The following PARD3B variants were observed in gnomAD, a reference collection of about 807,000 sequenced individuals.
PARD3B encodes the protein partitioning defective 3 homolog B.
PARD3B carries 103 observed loss-of-function variants against 130.2 expected under a neutral mutation model. The ratio of observed to expected loss-of-function variants is 0.79; its 90% CI spans 0.67 to 0.93. The LOEUF (loss-of-function observed/expected upper bound fraction) is 0.93. Ranked by LOEUF, PARD3B falls within the 40% of genes least tolerant of loss-of-function variation. PARD3B has a pLI of 0.00. For synonymous variants in PARD3B, 583 were observed against 553.2 expected, an observed-to-expected ratio of 1.05 and a Z score of -0.76; for missense variants, 1,609 against 1,499.2, an observed-to-expected ratio of 1.07 and a Z score of -1.21.
At chr2:204,552,872 T>A (rs183464034) in intron 1 of PARD3B, among the ~76,000 whole-genome samples, 258 of 152,290 alleles carry the variant, frequency 1.7e-3, no homozygotes, top group African/African-American at 6.0e-3. Flanking sequence ...CCTATTTTTA[T>A]ACTAGTACCG....
chr2:205,132,138 C>T (rs2032062153), intron 10 of PARD3B, among the ~76,000 whole-genome samples: 1 of 152,064 alleles, frequency 6.6e-6, no homozygotes, highest in African/African-American at 2.4e-5. Context: ...GTTATTATAA[C>T]CATTGCTCAT....
At position 205,011,166 on chromosome 2, in the gene PARD3B, G is replaced by A. The variant is rs1302732516; in HGVS notation, c.395-36415G>A. Among the ~76,000 whole-genome samples, 2 of 152,216 alleles carry A rather than the reference G, an allele frequency of 1.3e-5. No homozygotes were observed. Among genetic ancestry groups the A allele is most frequent in the African/African-American group, 2.4e-5 (1 of 41,446 alleles). ...ACTGGCCGTGTATTGATTATCTGCA[G>A]ATTATATATAACTTAGCAGCTTAAA... On this transcript the variant is annotated intron_variant, in intron 3 of 22. Transcript: ENST00000406610. This position sits in a 1 kb window ranked among gnomAD's most constrained non-coding sequence, Gnocchi z 4.1.
intron 1 of PARD3B, among the ~76,000 whole-genome samples, chr2:204,603,520 G>A (rs545310620): frequency 2.0e-5 from 3 of 152,154 alleles, no homozygotes; most frequent in East Asian, 3.9e-4. Context: ...AACAGATAAT[G>A]AAAACATTGA....
At chr2:205,106,805 G>C (rs1703253934) in intron 5 of PARD3B, among the ~76,000 whole-genome samples, 1 of 152,282 alleles carries the variant, frequency 6.6e-6, no homozygotes. Flanking sequence ...AGTAGAGTGA[G>C]TGCAATTCCC....
At chr2:204,925,843 C>A (rs1510776) in intron 2 of PARD3B, among the ~76,000 whole-genome samples, 1 of 151,932 alleles carries the variant, frequency 6.6e-6, no homozygotes, top group Non-Finnish European at 1.5e-5. Context: ...GGGGCATTTT[C>A]CCCTGTGCTG....
intron 4 of PARD3B, among the ~76,000 whole-genome samples, chr2:205,094,296 A>G (rs890410573): frequency 6.6e-6 from 1 of 152,192 alleles, no homozygotes; most frequent in Non-Finnish European, 1.5e-5. Context: ...TATGAAGGTC[A>G]TAGGAGAGCA....
At chr2:204,704,942 G>A (rs147010350) in intron 2 of PARD3B, among the ~76,000 whole-genome samples, 2 of 152,264 alleles carry the variant, frequency 1.3e-5, no homozygotes, top group African/African-American at 2.4e-5. Flanking sequence ...GAACTGGAGC[G>A]AGGCATTATG....
chr2:204,582,416 T>G (rs2032606523), intron 1 of PARD3B, among the ~76,000 whole-genome samples: 1 of 152,222 alleles, frequency 6.6e-6, no homozygotes, highest in Admixed American at 6.5e-5. Flanking sequence ...GATAAAAGTT[T>G]AGTTCTTTGA....
At chr2:205,308,227 A>G (rs1240985803) in intron 18 of PARD3B, among the ~76,000 whole-genome samples, 1 of 152,192 alleles carries the variant, frequency 6.6e-6, no homozygotes, top group Non-Finnish European at 1.5e-5. Flanking sequence ...ACACACAGCA[A>G]CCAAGTCCTG....
chr2:204,855,324 C>T (rs28850029), intron 2 of PARD3B, among the ~76,000 whole-genome samples: 21,207 of 151,924 alleles, frequency 0.14, 2,319 homozygotes, highest in African/African-American at 0.3. Flanking sequence ...CTGGGTGGAT[C>T]GTGAGGTCAA....
At chr2:205,531,454 T>C (rs1301264554) in intron 21 of PARD3B, among the ~76,000 whole-genome samples, 1 of 152,192 alleles carries the variant, frequency 6.6e-6, no homozygotes, top group East Asian at 1.9e-4. Flanking sequence ...CTCATCTGTA[T>C]TTTTCATATC....
intron 20 of PARD3B, among the ~76,000 whole-genome samples, chr2:205,479,622 A>G (rs940376324): frequency 6.6e-6 from 1 of 152,196 alleles, no homozygotes; most frequent in Non-Finnish European, 1.5e-5. Flanking sequence ...CGTGACCATT[A>G]CCTAGGCCAG....
At chr2:205,532,067 C>T (rs1343470235) in intron 21 of PARD3B, among the ~76,000 whole-genome samples, 1 of 152,096 alleles carries the variant, frequency 6.6e-6, no homozygotes, top group Non-Finnish European at 1.5e-5. Context: ...CCAGAATCTG[C>T]GAATGCGCTG....
chr2:205,484,039 A>G (rs370833925), intron 20 of PARD3B, among the ~76,000 whole-genome samples: 2 of 152,308 alleles, frequency 1.3e-5, no homozygotes, highest in Admixed American at 1.3e-4. Flanking sequence ...GAGTGACTAC[A>G]CTTAATGCTA....
intron 1 of PARD3B, among the ~76,000 whole-genome samples, chr2:204,644,441 C>CT (rs1169819728): frequency 2.0e-5 from 3 of 151,934 alleles, no homozygotes; most frequent in East Asian, 3.9e-4. Flanking sequence ...TCTTGGAAGT[C>CT]TTTTTTATGT....
intron 3 of PARD3B, among the ~76,000 whole-genome samples, chr2:204,998,358 A>ATATATATATATATG (rs1400529301): frequency 4.3e-5 from 3 of 69,866 alleles, no homozygotes; most frequent in African/African-American, 1.4e-4. Flanking sequence ...ATATATATAT[A>ATATATATATATATG]TGTGTGTGTG....
At chr2:204,869,102 A>G (rs558862380) in intron 2 of PARD3B, among the ~76,000 whole-genome samples, 203 of 152,264 alleles carry the variant, frequency 1.3e-3, no homozygotes, top group African/African-American at 4.7e-3. Context: ...GTTGCTATCA[A>G]TTATCTACTT....
At chr2:204,962,955 AGTTAC>A (rs151238677) in intron 2 of PARD3B, among the ~76,000 whole-genome samples, 3,094 of 152,298 alleles carry the variant, frequency 0.02, 102 homozygotes, top group African/African-American at 0.071. Flanking sequence ...CTTCAAGAAA[AGTTAC>A]GTTTTGCCTG....
chr2:205,575,916 C>T lies in PARD3B; in HGVS notation c.3260+22513C>T, dbSNP rs943461250. Among the ~76,000 whole-genome samples, 5 of 152,056 alleles carry T rather than the reference C, an allele frequency of 3.3e-5. No homozygotes were observed. Among genetic ancestry groups the T allele is most frequent in the South Asian group, 2.1e-4 (1 of 4,822 alleles). On this transcript the variant is annotated intron_variant, in intron 22 of 22. Transcript: ENST00000406610. The surrounding 1 kb of genome is among the most constrained non-coding windows in gnomAD (Gnocchi z 4.6). Reference sequence around the variant, plus strand: ...GGAACATGACTGCTGGATCAAGTGGCGAGACAATGTTTAGTTTTGCAGGAA... The same window carrying T: ...GGAACATGACTGCTGGATCAAGTGGTGAGACAATGTTTAGTTTTGCAGGAA...
Sources: allele counts gnomAD v4.1 joint callset (sites outside exome capture counted in the v4.1 genomes callset), GRCh38; gene constraint gnomAD v4.1.1; non-coding constraint Gnocchi (gnomAD v3.1); transcripts MANE v1.5; gene names NCBI Gene and HGNC (gene_info 2026-07-23, HGNC 2026-07-21).